SBDS: variants seen among roughly 807,000 people sequenced by gnomAD.
SBDS encodes the protein SBDS ribosome maturation factor, also known as ribosome maturation protein SBDS.
Under a neutral mutation model 26.4 loss-of-function variants are expected in SBDS, and 20 were observed. That is an observed-to-expected ratio of 0.76 (90% CI 0.53 to 1.10). The LOEUF (loss-of-function observed/expected upper bound fraction) is 1.10. Ranked by LOEUF, SBDS falls within the 50% of genes least tolerant of loss-of-function variation. The pLI, the probability that SBDS is intolerant of heterozygous loss-of-function variation, is 0.00. For missense variants in SBDS, 241 were observed against 302.0 expected, an observed-to-expected ratio of 0.80 and a Z score of 1.50; for synonymous variants, 95 against 105.1, an observed-to-expected ratio of 0.90 and a Z score of 0.59.
At chr7:66,989,330 G>A (rs1792928311) in intron 4 of SBDS, among the ~76,000 whole-genome samples, 1 of 145,950 alleles carries the variant, frequency 6.9e-6, no homozygotes, top group African/African-American at 2.5e-5. Context: ...TGGATCACCT[G>A]AGGTCGGGAG....
chr7:66,990,396 A>C (rs950050476), intron 4 of SBDS, among the ~76,000 whole-genome samples: 22 of 152,148 alleles, frequency 1.4e-4, no homozygotes, highest in Admixed American at 2.0e-4. Flanking sequence ...TGATTTTTTT[A>C]TGATTTCAAC....
intron 4 of SBDS, 145 bp downstream of exon 4, chr7:66,990,992 G>A (rs1486973535): frequency 2.8e-6 from 2 of 710,838 alleles, no homozygotes; most frequent in Non-Finnish European, 4.5e-6. Context: ...ACTCCAGCCT[G>A]GGCAACAGAG....
Position 66,995,578 on chromosome 7 carries a change from A to T in SBDS, c.-161T>A. The T allele has an allele frequency of 9.6e-7, 1 of 1,040,060 alleles. No individual in the cohort carries two copies. The allele number at this position is 1,040,060 out of a possible 1,614,324, so 64.4% of individuals were successfully genotyped here. A position where few individuals can be genotyped will look rare whatever the true frequency, so the allele number is the denominator to read the frequency against. ...CTCACTAGCTTCAGGCAGCCGTCAC[A>T]GTGTGTCTGGCAGGCTTACTTACTG... On this transcript the variant is annotated 5_prime_UTR_variant, in exon 1 of 5. Coordinates refer to ENST00000246868, the MANE Select transcript of SBDS (RefSeq NM_016038.4).
At chr7:66,994,436 A>C in intron 1 of SBDS, 95 bp from the exon 2 acceptor site, 1 of 1,107,596 alleles carries the variant, frequency 9.0e-7, no homozygotes, top group Non-Finnish European at 1.4e-6. Context: ...CATGAACGGC[A>C]AGACACAACA....
intron 4 of SBDS, among the ~76,000 whole-genome samples, chr7:66,990,118 C>G (rs1792944204): frequency 6.6e-6 from 1 of 151,234 alleles, no homozygotes; most frequent in Admixed American, 6.6e-5. Context: ...CTTCCAGGTT[C>G]AAGTGATTCT....
chr7:66,989,139 T>C (rs1156266201), intron 4 of SBDS, among the ~76,000 whole-genome samples: 11 of 151,684 alleles, frequency 7.3e-5, no homozygotes, highest in Non-Finnish European at 1.3e-4. Context: ...GCCTGGCCCA[T>C]GTGTACAGTT....
At chr7:66,991,753 G>GC (rs546288160) in intron 3 of SBDS, among the ~76,000 whole-genome samples, 1 of 151,510 alleles carries the variant, frequency 6.6e-6, no homozygotes, top group East Asian at 2.0e-4. Flanking sequence ...AAGAGGGCGG[G>GC]GGGGGTGGGC....
At chr7:66,994,479 G>A (rs184948341) in intron 1 of SBDS, 138 bp from the exon 2 acceptor site, 256 of 839,966 alleles carry the variant, frequency 3.0e-4, no homozygotes, top group Non-Finnish European at 4.4e-4. Flanking sequence ...GTAGAGGGCA[G>A]TTTTCTTTTT....
Position 66,988,421 on chromosome 7 carries a change from C to G in SBDS, c.703G>C (p.Glu235Gln). 1.9e-6 allele frequency: 3 copies of G among 1,613,848 alleles called. No individual in the cohort carries two copies. Among genetic ancestry groups the G allele is most frequent in the Middle Eastern group, 1.6e-4 (1 of 6,062 alleles). Residue 235 changes from glutamate (E) to glutamine (Q), a missense_variant, in exon 5 of 5, where the codon GAA becomes CAA. Coordinates refer to ENST00000246868, the MANE Select transcript of SBDS (RefSeq NM_016038.4). ...KKETKGKGSL[E>Q]VLNLKDVEEG... ...TCTACATCTTTCAGATTGAGTACTT[C>G]CAAAGAACCTTTGCCTTTAGTTTCC...
chr7:66,991,223 C>T lies in SBDS; in HGVS notation c.538G>A (p.Val180Ile). 2.5e-6 allele frequency: 4 copies of T among 1,613,888 alleles called. No individual in the cohort carries two copies. Among genetic ancestry groups the T allele is most frequent in the Non-Finnish European group, 3.4e-6 (4 of 1,179,850 alleles). Residue 180 changes from valine (V) to isoleucine (I), a missense_variant, in exon 4 of 5, where the codon GTC (valine) becomes ATC (isoleucine). Val to Ile is a conservative substitution (Grantham distance 29). Coordinates refer to ENST00000246868, the MANE Select transcript of SBDS (RefSeq NM_016038.4). ...AHMRLRFILP[V>I]NEGKKLKEKL... Reference sequence around the variant, plus strand: ...TCTTTCAGCTTCTTGCCTTCATTGACTGGAAGGATGAACCGAAGCCTCATG... The same window carrying T: ...TCTTTCAGCTTCTTGCCTTCATTGATTGGAAGGATGAACCGAAGCCTCATG...
At chr7:66,995,244 T>G in intron 1 of SBDS, 46 bp downstream of exon 1, 1 of 1,612,102 alleles carries the variant, frequency 6.2e-7, no homozygotes, top group Non-Finnish European at 8.5e-7. Context: ...GCCTCGGAGG[T>G]GACGGCTCAG....
chr7:66,994,731 A>C (rs113462861), intron 1 of SBDS, among the ~76,000 whole-genome samples: 1 of 152,110 alleles, frequency 6.6e-6, no homozygotes, highest in Non-Finnish European at 1.5e-5. Context: ...CCTCAAGTGA[A>C]CTGCCCGCAT....
chr7:66,993,450 T>G, intron 2 of SBDS, 33 bp from the exon 3 acceptor site: 1 of 1,495,344 alleles, frequency 6.7e-7, no homozygotes, highest in Non-Finnish European at 9.3e-7. Flanking sequence ...AAGAAATCAC[T>G]ATCTTTCTCT....
rs568588485 is a variant in SBDS, at chr7:66,992,825, T to A, written c.459+392A>T. Among the ~76,000 whole-genome samples the A allele has an allele frequency of 5.3e-5, 8 of 152,088 alleles. No individual in the cohort carries two copies. The East Asian group carries it at 1.5e-3, about 29-fold the overall frequency. Reference sequence around the variant, plus strand: ...GAGTTCAAGACCAGCCTGGCCAACATGGTGAAACCTCAACTCTACTAAAAA... The same window carrying A: ...GAGTTCAAGACCAGCCTGGCCAACAAGGTGAAACCTCAACTCTACTAAAAA... On this transcript the variant is annotated intron_variant, in intron 3 of 4. Coordinates refer to ENST00000246868, the MANE Select transcript of SBDS (RefSeq NM_016038.4).
intron 4 of SBDS, among the ~76,000 whole-genome samples, chr7:66,989,079 T>C (rs543124452): frequency 1.3e-5 from 2 of 151,836 alleles, no homozygotes; most frequent in Admixed American, 1.3e-4. Flanking sequence ...CCATGTTATC[T>C]GCTCACCTTG....
At chr7:66,993,070 T>A in intron 3 of SBDS, 147 bp downstream of exon 3, 2 of 790,964 alleles carry the variant, frequency 2.5e-6, no homozygotes, top group Admixed American at 3.8e-5. Flanking sequence ...TTTCCAGGCC[T>A]CAAGCAATCC....
rs1220495756 is a variant in SBDS at position 66,988,030 on chromosome 7, A to G, written c.*341T>C. On this transcript the variant is annotated 3_prime_UTR_variant, in exon 5 of 5. Transcript: ENST00000246868. The stretch of plus-strand genomic sequence containing the variant: ...GTATAGACATACCCCTAATAATCTT[A>G]CTCTACTGTACAAATAACTTTTCAC... The G allele has an allele frequency of 2.6e-6, 1 of 385,172 alleles. No individual in the cohort carries two copies. Among genetic ancestry groups the G allele is most frequent in the Non-Finnish European group, 4.9e-6 (1 of 205,830 alleles). The allele number at this position is 385,172 out of a possible 1,614,324, so 23.9% of individuals were successfully genotyped here.
rs758835956 is a variant in SBDS, at chr7:66,988,474, A to G, written c.650T>C (p.Phe217Ser). ...EIVCLIDPGC[F>S]REIDELIKKE... ...TTTTATTAGCTCATCAATTTCTCGGAAGCAGCCCGGGTCAATCAGACATAC... is the reference window on the plus strand; with the variant it reads ...TTTTATTAGCTCATCAATTTCTCGGGAGCAGCCCGGGTCAATCAGACATAC... The change falls in exon 5 of 5, where the codon TTC (phenylalanine) becomes TCC (serine). Residue 217 changes from phenylalanine to serine, a missense_variant. Coordinates refer to ENST00000246868, the MANE Select transcript of SBDS (RefSeq NM_016038.4). 1 of 1,613,830 alleles carries G rather than the reference A, an allele frequency of 6.2e-7. No homozygotes were observed. The highest frequency in any genetic ancestry group is 1.7e-5 in the Admixed American group (1 of 59,992).
Position 66,993,021 on chromosome 7 carries a change from A to T in SBDS, c.459+196T>A, listed in dbSNP as rs564326432. On this transcript the variant is annotated intron_variant, in intron 3 of 4. Transcript: ENST00000246868. ...GACTCTGTCTCAAAAAAAAAAAAAA[A>T]AAATTTAGAGATGGGGCGTCCCTAT... 1.3e-4 allele frequency among the ~76,000 whole-genome samples: 20 copies of T among 152,024 alleles called. No individual in the cohort carries two copies. Among genetic ancestry groups the T allele is most frequent in the African/African-American group, 2.2e-4 (9 of 41,466 alleles).
Sources: allele counts gnomAD v4.1 joint callset (sites outside exome capture counted in the v4.1 genomes callset), GRCh38; gene constraint gnomAD v4.1.1; transcripts MANE v1.5; gene names NCBI Gene and HGNC (gene_info 2026-07-23, HGNC 2026-07-21).